CDH13: variants seen among roughly 807,000 people sequenced by gnomAD.
The protein encoded by CDH13 is cadherin 13, also known as cadherin-13.
Under a neutral mutation model 63.8 loss-of-function variants are expected in CDH13, and 24 were observed. That is an observed-to-expected ratio of 0.38 (90% confidence interval 0.27 to 0.53). The LOEUF (loss-of-function observed/expected upper bound fraction) is 0.53. Among genes scored for constraint, CDH13 ranks in the 20% least tolerant of loss-of-function variants. CDH13 has a pLI of 0.85. For missense variants in CDH13, 1,049 were observed against 903.1 expected, an observed-to-expected ratio of 1.16 and a Z score of -2.07; for synonymous variants, 503 against 355.3, an observed-to-expected ratio of 1.42 and a Z score of -4.67.
chr16:83,530,706 A>G (rs1388548479), intron 7 of CDH13, among the ~76,000 whole-genome samples: 1 of 152,208 alleles, frequency 6.6e-6, no homozygotes, highest in Non-Finnish European at 1.5e-5. Context: ...TTTGTAATGG[A>G]AGACTGAGGT....
At chr16:83,698,100 G>C (rs937553884) in intron 10 of CDH13, among the ~76,000 whole-genome samples, 1 of 152,196 alleles carries the variant, frequency 6.6e-6, no homozygotes, top group Non-Finnish European at 1.5e-5. Flanking sequence ...GCAAATAATA[G>C]GCACTCAATA....
chr16:83,482,305 C>T (rs577736126), intron 6 of CDH13, among the ~76,000 whole-genome samples: 4 of 152,198 alleles, frequency 2.6e-5, no homozygotes, highest in Admixed American at 2.0e-4. Context: ...TCCAAGAGCT[C>T]ACATCTAGGA....
At chr16:82,854,324 C>T (rs920200968) in intron 1 of CDH13, among the ~76,000 whole-genome samples, 1 of 147,446 alleles carries the variant, frequency 6.8e-6, no homozygotes, top group African/African-American at 2.5e-5. Flanking sequence ...TGGCATGAAA[C>T]CAGGAGGCGG....
intron 5 of CDH13, among the ~76,000 whole-genome samples, chr16:83,223,277 C>T (rs2039750979): frequency 6.6e-6 from 1 of 152,156 alleles, no homozygotes; most frequent in Admixed American, 6.5e-5. Context: ...TTGCACCCTC[C>T]AGAAGACAGG....
chr16:82,760,439 A>G (rs1466801484), intron 1 of CDH13, among the ~76,000 whole-genome samples: 1 of 152,196 alleles, frequency 6.6e-6, no homozygotes, highest in Non-Finnish European at 1.5e-5. Context: ...TTTTATGAGT[A>G]GAGACCAACT....
chr16:82,664,441 G>T (rs897121938), intron 1 of CDH13, among the ~76,000 whole-genome samples: 4 of 152,234 alleles, frequency 2.6e-5, no homozygotes, highest in Admixed American at 6.5e-5. Context: ...AGCAGTGGGG[G>T]CTCAGTTGCT....
At chr16:83,296,636 C>G (rs775647195) in intron 5 of CDH13, among the ~76,000 whole-genome samples, 11 of 152,190 alleles carry the variant, frequency 7.2e-5, no homozygotes, top group Non-Finnish European at 1.5e-4. Context: ...AGTACACACA[C>G]ACACACATAA....
chr16:83,518,453 A>T lies in CDH13; in HGVS notation c.960+31798A>T, dbSNP rs865875271. 4.5e-4 allele frequency among the ~76,000 whole-genome samples: 61 copies of T among 135,942 alleles called. No individual in the cohort carries two copies. In the Middle Eastern group the frequency reaches 0.02, roughly 44 times the overall value. The allele number at this position is 135,942 out of a possible 152,430, so 89.2% of individuals were successfully genotyped here. A position where few individuals can be genotyped will look rare whatever the true frequency, so the allele number is the denominator to read the frequency against. ...AGCCACCGCGCCCGGCCAAGATGTGATGGGTTTTTTTTTGTTTTTTGTTTT... is the reference window on the plus strand; with the variant it reads ...AGCCACCGCGCCCGGCCAAGATGTGTTGGGTTTTTTTTTGTTTTTTGTTTT... On this transcript the variant is annotated intron_variant, in intron 7 of 13. Coordinates refer to ENST00000567109, the MANE Select transcript of CDH13 (RefSeq NM_001257.5).
At chr16:83,538,703 C>A (rs1217924561) in intron 7 of CDH13, among the ~76,000 whole-genome samples, 1 of 152,072 alleles carries the variant, frequency 6.6e-6, no homozygotes, top group East Asian at 1.9e-4. Context: ...AGGCATAGCT[C>A]TTAGATTAGC....
At chr16:83,737,923 A>T (rs1159557290) in intron 10 of CDH13, among the ~76,000 whole-genome samples, 1 of 152,232 alleles carries the variant, frequency 6.6e-6, no homozygotes, top group Middle Eastern at 3.2e-3. Flanking sequence ...TTGTTTTCTC[A>T]TGTGTAAAAT....
intron 1 of CDH13, among the ~76,000 whole-genome samples, chr16:82,711,766 A>G (rs192611513): frequency 6.6e-6 from 1 of 152,318 alleles, no homozygotes; most frequent in Admixed American, 6.5e-5. Flanking sequence ...CACTCAGGAA[A>G]TACCCCACGG....
intron 1 of CDH13, among the ~76,000 whole-genome samples, chr16:82,640,405 A>C (rs181841983): frequency 2.8e-4 from 43 of 152,286 alleles, no homozygotes; most frequent in Admixed American, 1.5e-3. Context: ...GAATATGGCA[A>C]CTAATGATTT....
chr16:83,758,522 A>G (rs1913699775), intron 11 of CDH13, among the ~76,000 whole-genome samples: 1 of 152,220 alleles, frequency 6.6e-6, no homozygotes, highest in African/African-American at 2.4e-5. Context: ...GTGAAATAGT[A>G]AAAACTTTTT....
rs77623323 is a variant in CDH13, at chr16:82,665,605, A to C, written c.45+38468A>C. Among the ~76,000 whole-genome samples, 3,874 of 152,140 alleles carry C rather than the reference A, an allele frequency of 0.025. 286 individuals carry two copies. The East Asian group carries it at 0.3, about 12-fold the overall frequency. ...ATCCTGATAAACCATCCTACATCAA[A>C]AAGGCGGCTGCATGCCTACCTCAAA... is the stretch of plus-strand genomic sequence containing the variant. On this transcript the variant is annotated intron_variant, in intron 1 of 13. Coordinates refer to ENST00000567109, the MANE Select transcript of CDH13 (RefSeq NM_001257.5).
intron 2 of CDH13, among the ~76,000 whole-genome samples, chr16:83,000,626 G>T (rs1364779419): frequency 2.4e-5 from 3 of 127,352 alleles, no homozygotes; most frequent in African/African-American, 3.0e-5. Context: ...GTCTCGTTCT[G>T]TTGCCCAGGC....
chr16:83,715,172 C>G (rs981894612), intron 10 of CDH13, among the ~76,000 whole-genome samples: 2 of 152,208 alleles, frequency 1.3e-5, no homozygotes, highest in African/African-American at 4.8e-5. Flanking sequence ...TGAGTTCATG[C>G]TGGCATAAAT....
intron 8 of CDH13, among the ~76,000 whole-genome samples, chr16:83,631,100 G>A (rs1240205829): frequency 6.6e-6 from 1 of 152,180 alleles, no homozygotes; most frequent in Non-Finnish European, 1.5e-5. Context: ...GCATTTGCTG[G>A]CATGGTTCTA....
intron 7 of CDH13, among the ~76,000 whole-genome samples, chr16:83,493,650 G>C (rs940923938): frequency 2.6e-5 from 4 of 152,192 alleles, no homozygotes; most frequent in African/African-American, 7.2e-5. Flanking sequence ...GGTATAGAGA[G>C]ATACCAGAAA....
chr16:83,666,016 C>G (rs1913916995), intron 8 of CDH13, among the ~76,000 whole-genome samples: 1 of 152,172 alleles, frequency 6.6e-6, no homozygotes, highest in South Asian at 2.1e-4. Flanking sequence ...GTACATAGTC[C>G]CAACAGGCCA....
Sources: gnomAD v4.1 joint callset for allele counts (sites outside exome capture counted in the v4.1 genomes callset) on GRCh38, gnomAD v4.1.1 for gene constraint, MANE v1.5 for transcripts, NCBI Gene and HGNC (gene_info 2026-07-23, HGNC 2026-07-21) for gene names.